Variants in CCDC144A observed in about 807,000 individuals in gnomAD.
The protein encoded by CCDC144A is coiled-coil domain containing 144A.
A neutral mutation model predicts 143.8 loss-of-function variants in CCDC144A; 41 were observed. The observed-to-expected ratio is 0.29, with a 90% CI of 0.22 to 0.37. The LOEUF is 0.37. Ranked by LOEUF, CCDC144A falls within the 10% of genes least tolerant of loss-of-function variation. The pLI, the probability that CCDC144A is intolerant of heterozygous loss-of-function variation, is 1.00. For missense variants in CCDC144A, 637 were observed against 1,488.8 expected (o/e 0.43, Z 9.41); for synonymous variants, 242 against 517.9 (o/e 0.47, Z 7.23).
chr17:16,670,307 T>TTTTTTTTTTTTA, the CCDC144A span, among the ~76,000 whole-genome samples: 1 of 127,768 alleles, frequency 7.8e-6, no homozygotes, highest in Non-Finnish European at 1.6e-5. Flanking sequence ...TTTTTTTTTT[T>TTTTTTTTTTTTA]GACAGAGTCT....
chr17:16,753,607 T>G (rs1396331280), intron 12 of CCDC144A, among the ~76,000 whole-genome samples: 1 of 152,016 alleles, frequency 6.6e-6, no homozygotes, highest in African/African-American at 2.4e-5. Context: ...TGGCATTATT[T>G]TTGTATGCTG....
chr17:16,704,371 T>C (rs2928640), intron 2 of CCDC144A, among the ~76,000 whole-genome samples: 78 of 151,854 alleles, frequency 5.1e-4, no homozygotes, highest in East Asian at 1.9e-3. Flanking sequence ...AGGAGAATGG[T>C]GTGAACCCGG....
chr17:16,710,134 A>C (rs919031708), intron 5 of CCDC144A: 2 of 175,658 alleles, frequency 1.1e-5, no homozygotes, highest in African/African-American at 4.8e-5. Context: ...GAGGCCAGGC[A>C]TTCTGGGCCG....
chr17:16,682,883 GTTTTTTTTTTTTTTTTTTTTTTTT>G, the CCDC144A span, among the ~76,000 whole-genome samples: 1 of 46,432 alleles, frequency 2.2e-5, no homozygotes, highest in African/African-American at 5.8e-5. Flanking sequence ...TGGATTCTCT[GTTTTTTTTTTTTTTTTTTTTTTTT>G]TTTTTTTTTT....
intron 15 of CCDC144A, among the ~76,000 whole-genome samples, chr17:16,768,034 C>T (rs1186786964): frequency 1.3e-5 from 2 of 152,252 alleles, no homozygotes; most frequent in Non-Finnish European, 2.9e-5. Context: ...CAAAGTTTTC[C>T]AGAGCTTATA....
chr17:16,699,029 T>A (rs1252532505), intron 2 of CCDC144A, among the ~76,000 whole-genome samples: 2 of 152,180 alleles, frequency 1.3e-5, no homozygotes, highest in African/African-American at 4.8e-5. Flanking sequence ...TACTGCTTCC[T>A]TTTGAATTCC....
chr17:16,694,521 G>A (rs2349266), intron 2 of CCDC144A, among the ~76,000 whole-genome samples: 2 of 152,108 alleles, frequency 1.3e-5, no homozygotes, highest in Admixed American at 6.5e-5. Flanking sequence ...AGTCAAGGCT[G>A]TAGTGAGCTG....
chr17:16,761,426 T>C lies in CCDC144A; in HGVS notation c.3374T>C (p.Ile1125Thr). ...QCEKEKAGRK[I>T]DLTEAQETVP... is the part of the protein sequence containing the mutation. ...AACTATATTGTTTTACTCATGCAGATTGACCTTACAGAAGCACAGGAAACT... is the reference window on the plus strand; with the variant it reads ...AACTATATTGTTTTACTCATGCAGACTGACCTTACAGAAGCACAGGAAACT... Residue 1125 changes from isoleucine (I) to threonine (T), a missense_variant and splice_region_variant, in exon 13 of 17, where the codon ATT (isoleucine) becomes ACT (threonine). Ile to Thr is a moderately conservative substitution (Grantham distance 89). Coordinates refer to ENST00000399273, the MANE Select transcript of CCDC144A (RefSeq NM_001382000.1). 1.3e-6 allele frequency: 2 copies of C among 1,590,548 alleles called. No individual in the cohort carries two copies. The highest frequency in any genetic ancestry group is 1.8e-5 in the Admixed American group (1 of 56,194).
the CCDC144A span, among the ~76,000 whole-genome samples, chr17:16,673,924 G>GA: frequency 6.6e-6 from 1 of 151,886 alleles, no homozygotes. Flanking sequence ...TCTTTTAAGT[G>GA]AAAAATTAAA....
chr17:16,739,945 G>A (rs1225650939), intron 12 of CCDC144A, among the ~76,000 whole-genome samples: 2 of 150,494 alleles, frequency 1.3e-5, no homozygotes, highest in African/African-American at 5.0e-5. Flanking sequence ...ATGACATGAT[G>A]AGAGTCAGGC....
chr17:16,668,736 A>G, the CCDC144A span, among the ~76,000 whole-genome samples: 1 of 152,232 alleles, frequency 6.6e-6, no homozygotes, highest in Non-Finnish European at 1.5e-5. Context: ...ATAACAAAAT[A>G]CTATAAACTG....
At chr17:16,676,895 G>T in the CCDC144A span, among the ~76,000 whole-genome samples, 1 of 151,918 alleles carries the variant, frequency 6.6e-6, no homozygotes, top group Admixed American at 6.6e-5. Context: ...TGTACATCTG[G>T]TTTTCAAACT....
Position 16,720,280 on chromosome 17 carries a change from T to C in CCDC144A, c.1749+49T>C, listed in dbSNP as rs780824581. The C allele has an allele frequency of 3.3e-6, 5 of 1,516,332 alleles. No homozygotes were observed. In the Admixed American group the frequency reaches 7.6e-5, roughly 23 times the overall value. 93.9% of individuals were successfully genotyped at this position (1,516,332 alleles called of 1,614,324 possible). A position where few individuals can be genotyped will look rare whatever the true frequency, so the allele number is the denominator to read the frequency against. On this transcript the variant is annotated intron_variant, in intron 7 of 16. Transcript: ENST00000399273. ...TAAAATATTGTTTTTAAAAAACAAG[T>C]TCTAAAAGGTAAAAATGAAAAAAAT...
chr17:16,710,670 T>C (rs1349460176), intron 5 of CCDC144A, among the ~76,000 whole-genome samples: 3 of 152,162 alleles, frequency 2.0e-5, no homozygotes, highest in Admixed American at 6.5e-5. Context: ...GTAGCATAAA[T>C]GCTCAGCCAA....
In CCDC144A at chr17:16,709,148, A is replaced by G; in HGVS notation, c.1091A>G (p.Gln364Arg). The G allele has an allele frequency of 6.2e-7, 1 of 1,611,714 alleles. No individual in the cohort carries two copies. Among genetic ancestry groups the G allele is most frequent in the African/African-American group, 1.3e-5 (1 of 74,974 alleles). ...GTGGTATTCGAGACATTTCCTGAACAAAAAGAACCCAGTCTCAAAAATATC... is the reference window on the plus strand; with the variant it reads ...GTGGTATTCGAGACATTTCCTGAACGAAAAGAACCCAGTCTCAAAAATATC... Reference protein sequence around the residue: ...VSVVFETFPEQKEPSLKNIIH... With the variant: ...VSVVFETFPERKEPSLKNIIH... The change falls in exon 5 of 17, where the codon CAA (glutamine) becomes CGA (arginine). Residue 364 changes from glutamine to arginine, a missense_variant. Physicochemically the swap from Gln to Arg is conservative, Grantham distance 43 (BLOSUM62 1). Transcript: ENST00000399273.
chr17:16,729,989 T>TATATATATATATATATATATATAC (rs1567597673), intron 9 of CCDC144A, among the ~76,000 whole-genome samples: 2 of 121,162 alleles, frequency 1.7e-5, no homozygotes, highest in African/African-American at 6.0e-5. Flanking sequence ...TATATATATA[T>TATATATATATATATATATATATAC]ATACACACAT....
chr17:16,746,559 G>A (rs1914531073), intron 12 of CCDC144A: 2 of 1,613,780 alleles, frequency 1.2e-6, no homozygotes, highest in Non-Finnish European at 1.7e-6. Flanking sequence ...TTGCTGTCAA[G>A]GAAGATATAT....
chr17:16,721,798 C>T (rs564958395), intron 8 of CCDC144A, among the ~76,000 whole-genome samples: 134 of 152,028 alleles, frequency 8.8e-4, no homozygotes, highest in African/African-American at 3.2e-3. Flanking sequence ...TGTTAAAAAA[C>T]ACAGCTGCAT....
chr17:16,746,778 C>A, intron 12 of CCDC144A: 1 of 1,575,426 alleles, frequency 6.3e-7, no homozygotes, highest in South Asian at 1.1e-5. Context: ...GAGCGCGCGG[C>A]CGTTCCCACC....
Sources: gnomAD v4.1 joint callset for allele counts (sites outside exome capture counted in the v4.1 genomes callset) on GRCh38, gnomAD v4.1.1 for gene constraint, MANE v1.5 for transcripts, NCBI Gene and HGNC (gene_info 2026-07-23, HGNC 2026-07-21) for gene names.